The following TUNAR variants were observed in gnomAD, a reference collection of about 807,000 sequenced individuals.
The protein encoded by TUNAR is transmembrane neural differentiation associated intracellular calcium regulator.
intron 2 of TUNAR, among the ~76,000 whole-genome samples, chr14:95,893,646 A>G (rs190700605): frequency 5.4e-4 from 82 of 152,228 alleles, no homozygotes; most frequent in African/African-American, 1.9e-3. Context: ...AAAATAGACA[A>G]GACCCGTTGC....
At chr14:95,881,689 G>A (rs891658815) in intron 2 of TUNAR, among the ~76,000 whole-genome samples, 4 of 152,130 alleles carry the variant, frequency 2.6e-5, no homozygotes. Flanking sequence ...TGTTGGGGAC[G>A]GCCTTCGGAA....
intron 2 of TUNAR, among the ~76,000 whole-genome samples, chr14:95,908,520 G>A (rs183599416): frequency 6.6e-5 from 10 of 152,306 alleles, no homozygotes; most frequent in Middle Eastern, 6.8e-3. Flanking sequence ...TCTCATATAC[G>A]CTGCCTCGTT....
At chr14:95,920,858 G>C (rs973625090) in intron 2 of TUNAR, among the ~76,000 whole-genome samples, 4 of 152,130 alleles carry the variant, frequency 2.6e-5, no homozygotes, top group African/African-American at 9.7e-5. Flanking sequence ...GATATATATA[G>C]GTGTATATAA....
chr14:95,906,049 G>A (rs1889422874), intron 2 of TUNAR, among the ~76,000 whole-genome samples: 1 of 152,030 alleles, frequency 6.6e-6, no homozygotes, highest in Admixed American at 6.6e-5. Flanking sequence ...ACCCCCACCT[G>A]TTTTTGGAAG....
Position 95,895,257 on chromosome 14 carries a change from G to C in TUNAR, c.12+18080G>C, listed in dbSNP as rs1889243497. On this transcript the variant is annotated intron_variant, in intron 2 of 2. Transcript: ENST00000678517. The surrounding 1 kb of genome is among the most constrained non-coding windows in gnomAD (Gnocchi z 4.5). ...AAGAACAGATGTGTCTAACCCAGGA[G>C]GAGAGCATGGGCCAGCGGGAAGGGC... 1.3e-5 allele frequency among the ~76,000 whole-genome samples: 2 copies of C among 152,216 alleles called. No homozygotes were observed. Among genetic ancestry groups the C allele is most frequent in the Non-Finnish European group, 2.9e-5 (2 of 68,036 alleles).
intron 2 of TUNAR, among the ~76,000 whole-genome samples, chr14:95,908,514 A>G (rs1303336238): frequency 6.6e-6 from 1 of 152,236 alleles, no homozygotes; most frequent in Non-Finnish European, 1.5e-5. Flanking sequence ...GAGGACTCTC[A>G]TATACGCTGC....
intron 2 of TUNAR, among the ~76,000 whole-genome samples, chr14:95,889,607 G>A (rs1320438096): frequency 2.0e-5 from 3 of 152,166 alleles, no homozygotes; most frequent in African/African-American, 7.2e-5. Context: ...ACTGCTCCCC[G>A]TAACTCTGGC....
At chr14:95,893,109 G>A (rs1009963708) in intron 2 of TUNAR, among the ~76,000 whole-genome samples, 10 of 152,116 alleles carry the variant, frequency 6.6e-5, no homozygotes, top group Non-Finnish European at 8.8e-5. Flanking sequence ...TCTCACTAGA[G>A]GAGACCAGAG....
intron 2 of TUNAR, among the ~76,000 whole-genome samples, chr14:95,911,177 GC>G (rs1382543595): frequency 1.4e-4 from 22 of 152,282 alleles, no homozygotes; most frequent in Admixed American, 2.6e-4. Context: ...TCTTAGGACA[GC>G]CCCCTCACCA....
chr14:95,906,281 C>T (rs949388542), intron 2 of TUNAR, among the ~76,000 whole-genome samples: 1 of 152,160 alleles, frequency 6.6e-6, no homozygotes, highest in Admixed American at 6.5e-5. Flanking sequence ...TGGACAGGCA[C>T]TAATCCATGC....
At chr14:95,887,575 A>C (rs944078903) in intron 2 of TUNAR, among the ~76,000 whole-genome samples, 1 of 152,222 alleles carries the variant, frequency 6.6e-6, no homozygotes, top group Non-Finnish European at 1.5e-5. Flanking sequence ...ACATAAAGGA[A>C]TTGTTTGCAA....
intron 2 of TUNAR, among the ~76,000 whole-genome samples, chr14:95,893,390 G>A (rs1437446202): frequency 2.0e-5 from 3 of 152,164 alleles, no homozygotes; most frequent in Non-Finnish European, 2.9e-5. Flanking sequence ...GCCTGTGAAG[G>A]AAAAGTTTGC....
At chr14:95,914,332 A>C (rs1037427269) in intron 2 of TUNAR, among the ~76,000 whole-genome samples, 1 of 152,180 alleles carries the variant, frequency 6.6e-6, no homozygotes, top group Non-Finnish European at 1.5e-5. Context: ...ACTAAGTCCT[A>C]TTCTTGGGTT....
In TUNAR at chr14:95,901,788, A is replaced by T. The variant is rs78903104; in HGVS notation, c.13-20993A>T. Among the ~76,000 whole-genome samples, 282 of 152,312 alleles carry T rather than the reference A, an allele frequency of 1.9e-3. 7 individuals are homozygous for T. The East Asian group carries it at 0.049, about 26-fold the overall frequency. ...AACATACTTTGGAGTAGGGAATCCT[A>T]CTTTCTTCAGTACTTTGATGAAAAT... On this transcript the variant is annotated intron_variant, in intron 2 of 2. Coordinates refer to ENST00000678517, the Ensembl canonical transcript of TUNAR.
chr14:95,889,659 G>A (rs563405187), intron 2 of TUNAR, among the ~76,000 whole-genome samples: 24 of 152,246 alleles, frequency 1.6e-4, no homozygotes, highest in African/African-American at 5.3e-4. Context: ...GACCTCCCTC[G>A]TGAGGAGGAA....
At chr14:95,912,337 A>G (rs1177490083) in intron 2 of TUNAR, among the ~76,000 whole-genome samples, 2 of 152,244 alleles carry the variant, frequency 1.3e-5, no homozygotes, top group Non-Finnish European at 2.9e-5. Context: ...ATGGAAAAGC[A>G]AATTTCTTCT....
chr14:95,924,435 G>A (rs1442590186), exon 3 of TUNAR: 1 of 152,240 alleles, frequency 6.6e-6, no homozygotes, highest in African/African-American at 2.4e-5. Flanking sequence ...ACAGTGGCAT[G>A]GCCTTAAAGA....
intron 2 of TUNAR, among the ~76,000 whole-genome samples, chr14:95,899,308 A>T (rs111546586): frequency 6.6e-6 from 1 of 151,608 alleles, no homozygotes; most frequent in East Asian, 1.9e-4. Context: ...CCCAGAATCC[A>T]CTCCCAGGTA....
chr14:95,893,520 A>G (rs554836776), intron 2 of TUNAR, among the ~76,000 whole-genome samples: 3 of 152,218 alleles, frequency 2.0e-5, no homozygotes, highest in African/African-American at 7.2e-5. Flanking sequence ...TCCTGAAGCT[A>G]CCTGGATGCT....
Sources: allele counts gnomAD v4.1 joint callset (sites outside exome capture counted in the v4.1 genomes callset), GRCh38; gene constraint gnomAD v4.1.1; non-coding constraint Gnocchi (gnomAD v3.1); transcripts MANE v1.5; gene names NCBI Gene and HGNC (gene_info 2026-07-23, HGNC 2026-07-21).